EPHB1: variants seen among roughly 807,000 people sequenced by gnomAD.
The protein encoded by EPHB1 is ephrin type-B receptor 1.
A neutral mutation model predicts 94.4 loss-of-function variants in EPHB1; 30 were observed. That is an observed-to-expected ratio of 0.32 (90% confidence interval 0.24 to 0.43). The LOEUF (loss-of-function observed/expected upper bound fraction) is 0.43, where lower values mean the gene tolerates loss of function less well. Ranked by LOEUF, EPHB1 falls within the 20% of genes least tolerant of loss-of-function variation. The probability of loss-of-function intolerance (pLI) is 1.00; values close to 1 mark genes in which losing one functional copy is unlikely to be tolerated. For missense variants in EPHB1, 1,055 were observed against 1,308.3 expected, an observed-to-expected ratio of 0.81 and a Z score of 2.99; for synonymous variants, 522 against 489.1, an observed-to-expected ratio of 1.07 and a Z score of -0.89.
At chr3:135,053,535 G>A (rs758588223) in intron 3 of EPHB1, among the ~76,000 whole-genome samples, 12 of 152,166 alleles carry the variant, frequency 7.9e-5, no homozygotes, top group Non-Finnish European at 1.3e-4. Flanking sequence ...TGAAGATTTT[G>A]AGATGAGGTC....
intron 5 of EPHB1, among the ~76,000 whole-genome samples, chr3:135,140,666 G>A (rs888254023): frequency 1.3e-5 from 2 of 152,116 alleles, no homozygotes; most frequent in Admixed American, 6.5e-5. Flanking sequence ...CCATAACCAT[G>A]TTCTGTGAGA....
chr3:134,952,050 A>G lies in EPHB1; in HGVS notation c.803A>G (p.Lys268Arg). Residue 268 changes from lysine to arginine, a missense_variant and splice_region_variant, in exon 3 of 16, where the codon AAG becomes AGG. Physicochemically the swap from Lys to Arg is conservative, Grantham distance 26 (BLOSUM62 2). Coordinates refer to ENST00000398015, the MANE Select transcript of EPHB1 (RefSeq NM_004441.5). ...GYEPENSVAC[K>R]ACPAGTFKAS... is the part of the protein sequence containing the mutation. ...GAGCCTGAGAACAGCGTGGCATGCAAGGGTAAGCTTTGGAGCCTCTGCTTC... is the reference window on the plus strand; with the variant it reads ...GAGCCTGAGAACAGCGTGGCATGCAGGGGTAAGCTTTGGAGCCTCTGCTTC... 1 of 1,598,130 alleles carries G rather than the reference A, an allele frequency of 6.3e-7. No homozygotes were observed. Among genetic ancestry groups the G allele is most frequent in the Non-Finnish European group, 8.6e-7 (1 of 1,169,454 alleles).
intron 3 of EPHB1, among the ~76,000 whole-genome samples, chr3:135,098,407 C>G (rs926976569): frequency 1.3e-5 from 2 of 151,972 alleles, no homozygotes; most frequent in Non-Finnish European, 2.9e-5. Context: ...TTAGACCACA[C>G]TTTTATAATA....
At chr3:134,829,036 T>TA (rs1171066831) in intron 1 of EPHB1, among the ~76,000 whole-genome samples, 6 of 152,214 alleles carry the variant, frequency 3.9e-5, no homozygotes, top group Admixed American at 3.9e-4. Context: ...GCTCCTTCCT[T>TA]CTCTGAGTAG....
intron 5 of EPHB1, 137 bp from the exon 6 acceptor site, chr3:135,154,015 G>T: frequency 8.3e-7 from 1 of 1,209,800 alleles, no homozygotes; most frequent in Non-Finnish European, 1.2e-6. Context: ...AGTTCTGCAG[G>T]TCCAGCTCAG....
chr3:134,895,712 A>G (rs180892720), intron 1 of EPHB1, among the ~76,000 whole-genome samples: 111 of 152,350 alleles, frequency 7.3e-4, no homozygotes, highest in African/African-American at 2.5e-3. Context: ...CCGAATGTTA[A>G]GCAGGGCAGC....
chr3:134,847,575 T>C (rs1373460881), intron 1 of EPHB1, among the ~76,000 whole-genome samples: 1 of 152,178 alleles, frequency 6.6e-6, no homozygotes, highest in Non-Finnish European at 1.5e-5. Flanking sequence ...TCAGCCTTGT[T>C]TGAAGACCAC....
intron 3 of EPHB1, among the ~76,000 whole-genome samples, chr3:134,954,870 C>A (rs1314332914): frequency 3.9e-5 from 6 of 152,082 alleles, no homozygotes; most frequent in Non-Finnish European, 8.8e-5. Flanking sequence ...CACCTGGAGA[C>A]CAATTAGACA....
intron 2 of EPHB1, among the ~76,000 whole-genome samples, chr3:134,945,739 C>T (rs2039204643): frequency 6.6e-6 from 1 of 152,128 alleles, no homozygotes; most frequent in African/African-American, 2.4e-5. Flanking sequence ...ATACAAGAAG[C>T]AATATGTCAA....
chr3:134,986,600 T>C (rs112746731), intron 3 of EPHB1, among the ~76,000 whole-genome samples: 2,494 of 152,234 alleles, frequency 0.016, 35 homozygotes, highest in Non-Finnish European at 0.022. Context: ...AAAACTCTTA[T>C]TTTCCAGTCC....
intron 1 of EPHB1, among the ~76,000 whole-genome samples, chr3:134,907,868 G>T (rs771052579): frequency 3.9e-5 from 6 of 152,190 alleles, no homozygotes; most frequent in Non-Finnish European, 8.8e-5. Context: ...TGCCCCACAT[G>T]TTCTCCCCTC....
intron 1 of EPHB1, among the ~76,000 whole-genome samples, chr3:134,875,694 C>A (rs1020980545): frequency 2.0e-5 from 3 of 152,286 alleles, no homozygotes; most frequent in South Asian, 2.1e-4. Flanking sequence ...CACCATAGAT[C>A]GCTGTACCTA....
intron 1 of EPHB1, among the ~76,000 whole-genome samples, chr3:134,836,589 A>C (rs2036677339): frequency 6.6e-6 from 1 of 152,188 alleles, no homozygotes. Context: ...TAGACACTTA[A>C]ATTATTGTAA....
intron 3 of EPHB1, among the ~76,000 whole-genome samples, chr3:135,013,753 A>G (rs1009688628): frequency 7.2e-5 from 11 of 152,254 alleles, no homozygotes; most frequent in Admixed American, 6.5e-4. Context: ...TAAAGTTACA[A>G]CTGCAACAGT....
At chr3:134,990,556 CT>C (rs1198443986) in intron 3 of EPHB1, among the ~76,000 whole-genome samples, 1 of 152,000 alleles carries the variant, frequency 6.6e-6, no homozygotes, top group East Asian at 1.9e-4. Context: ...TTAGCCATTT[CT>C]TTTTTATTTA....
At chr3:134,847,746 A>G (rs1442977941) in intron 1 of EPHB1, among the ~76,000 whole-genome samples, 1 of 152,210 alleles carries the variant, frequency 6.6e-6, no homozygotes, top group African/African-American at 2.4e-5. Context: ...CATATTTTCC[A>G]GAGCAGAAAT....
rs1175470526 is a variant in EPHB1 at position 134,956,803 on chromosome 3, C to T, written c.805+4751C>T. 2.0e-5 allele frequency among the ~76,000 whole-genome samples: 3 copies of T among 152,098 alleles called. No individual in the cohort carries two copies. In the East Asian group the frequency reaches 5.8e-4, roughly 29 times the overall value. ...CATTGTCCTTAAGCTCTGAATCACC[C>T]TTATTAAGAAAATAAGATTCTGGAA... On this transcript the variant is annotated intron_variant, in intron 3 of 15. Coordinates refer to ENST00000398015, the MANE Select transcript of EPHB1 (RefSeq NM_004441.5).
chr3:135,011,934 A>G (rs1291380299), intron 3 of EPHB1, among the ~76,000 whole-genome samples: 1 of 151,520 alleles, frequency 6.6e-6, no homozygotes, highest in African/African-American at 2.4e-5. Context: ...TAGGGTATAG[A>G]AAAACTGTAT....
At chr3:134,929,488 G>T (rs1164486291) in intron 2 of EPHB1, among the ~76,000 whole-genome samples, 1 of 152,212 alleles carries the variant, frequency 6.6e-6, no homozygotes, top group East Asian at 1.9e-4. Flanking sequence ...TGACTGCCTG[G>T]AAGAGCTGTG....
Sources: gnomAD v4.1 joint callset for allele counts (sites outside exome capture counted in the v4.1 genomes callset) on GRCh38, gnomAD v4.1.1 for gene constraint, MANE v1.5 for transcripts, NCBI Gene and HGNC (gene_info 2026-07-23, HGNC 2026-07-21) for gene names.